The following C7orf33 variants were observed in gnomAD, a reference collection of about 807,000 sequenced individuals.
C7orf33 encodes the protein uncharacterized protein C7orf33.
C7orf33 carries 15 observed loss-of-function variants against 13.4 expected under a neutral mutation model. The observed-to-expected ratio is 1.12, with a 90% CI of 0.75 to 1.72. The LOEUF (loss-of-function observed/expected upper bound fraction) is 1.72, where lower values mean the gene tolerates loss of function less well. Among genes scored for constraint, C7orf33 ranks in the 40% most tolerant of loss-of-function variants. C7orf33 has a pLI of 0.00. For missense variants in C7orf33, 187 were observed against 220.3 expected (o/e 0.85, Z 0.96); for synonymous variants, 73 against 83.2 (o/e 0.88, Z 0.67).
intron 1 of C7orf33, among the ~76,000 whole-genome samples, chr7:148,599,077 G>A (rs951118934): frequency 6.6e-6 from 1 of 151,784 alleles, no homozygotes; most frequent in Admixed American, 6.6e-5. Context: ...TGGCCAGGCT[G>A]GTCTCAAACT....
At chr7:148,597,837 G>A (rs1002898797) in intron 1 of C7orf33, among the ~76,000 whole-genome samples, 1 of 152,048 alleles carries the variant, frequency 6.6e-6, no homozygotes, top group African/African-American at 2.4e-5. Context: ...CTTACTGCAA[G>A]CTCCGCTTCC....
intron 1 of C7orf33, among the ~76,000 whole-genome samples, chr7:148,601,756 T>C (rs753967215): frequency 1.1e-4 from 17 of 152,122 alleles, no homozygotes; most frequent in Non-Finnish European, 1.5e-4. Flanking sequence ...TTTTGTTTTG[T>C]TTTGTTTTAG....
chr7:148,591,271 A>G, intron 1 of C7orf33, 142 bp downstream of exon 1: 1 of 731,982 alleles, frequency 1.4e-6, no homozygotes, highest in Non-Finnish European at 2.3e-6. Flanking sequence ...AAGTAAAGAG[A>G]GAGACAGAGA....
At chr7:148,615,003 G>A (rs1244174331) in intron 2 of C7orf33, among the ~76,000 whole-genome samples, 1 of 152,154 alleles carries the variant, frequency 6.6e-6, no homozygotes, top group Non-Finnish European at 1.5e-5. Context: ...AATTGATTTT[G>A]TTAGGAACTG....
intron 1 of C7orf33, among the ~76,000 whole-genome samples, chr7:148,595,059 T>C (rs1796312854): frequency 6.6e-6 from 1 of 151,950 alleles, no homozygotes; most frequent in African/African-American, 2.4e-5. Flanking sequence ...CTTAATAGTT[T>C]CTGAATATTC....
At chr7:148,602,942 ACTT>A (rs1160993333) in intron 1 of C7orf33, among the ~76,000 whole-genome samples, 1 of 152,228 alleles carries the variant, frequency 6.6e-6, no homozygotes, top group Non-Finnish European at 1.5e-5. Flanking sequence ...GATAATGGCT[ACTT>A]CTTAAGTCTG....
At chr7:148,592,445 A>T (rs549708180) in intron 1 of C7orf33, among the ~76,000 whole-genome samples, 2 of 152,260 alleles carry the variant, frequency 1.3e-5, no homozygotes, top group East Asian at 3.9e-4. Flanking sequence ...GTGAGAAAAG[A>T]TTATCACTGC....
intron 1 of C7orf33, among the ~76,000 whole-genome samples, chr7:148,605,437 AG>A (rs946397350): frequency 6.6e-6 from 1 of 152,212 alleles, no homozygotes; most frequent in Non-Finnish European, 1.5e-5. Flanking sequence ...TTTGGCAAGA[AG>A]GGGAGCAAAA....
intron 1 of C7orf33, among the ~76,000 whole-genome samples, chr7:148,611,542 G>A (rs1003439525): frequency 2.6e-5 from 4 of 152,044 alleles, no homozygotes; most frequent in Admixed American, 6.5e-5. Flanking sequence ...TTCAACTTCC[G>A]GCTCCCCATC....
chr7:148,597,350 C>G (rs1453573784), intron 1 of C7orf33, among the ~76,000 whole-genome samples: 1 of 152,086 alleles, frequency 6.6e-6, no homozygotes, highest in East Asian at 1.9e-4. Flanking sequence ...GGCACAATCT[C>G]AGCTCACTGC....
intron 2 of C7orf33, among the ~76,000 whole-genome samples, chr7:148,614,583 A>C (rs796195109): frequency 1.3e-5 from 2 of 152,346 alleles, no homozygotes; most frequent in African/African-American, 4.8e-5. Flanking sequence ...AACTTTAACA[A>C]AATAAGAGCT....
intron 1 of C7orf33, among the ~76,000 whole-genome samples, chr7:148,599,920 C>T (rs546937767): frequency 1.3e-5 from 2 of 151,634 alleles, no homozygotes; most frequent in Admixed American, 1.3e-4. Context: ...AGACACACAG[C>T]TTACGCGTCC....
At chr7:148,598,473 G>A (rs6979214) in intron 1 of C7orf33, among the ~76,000 whole-genome samples, 57,063 of 151,476 alleles carry the variant, frequency 0.38, 14,457 homozygotes, top group African/African-American at 0.73. Flanking sequence ...GTTTGTTTCT[G>A]GTAAACCAAT....
chr7:148,607,918 T>A (rs1796491926), intron 1 of C7orf33, among the ~76,000 whole-genome samples: 1 of 152,204 alleles, frequency 6.6e-6, no homozygotes. Flanking sequence ...CCTTTCCTAA[T>A]TGATGATTTT....
In C7orf33 at chr7:148,614,150, G is replaced by A. The variant is rs777921352; in HGVS notation, c.313G>A (p.Asp105Asn). The A allele has an allele frequency of 2.5e-6, 4 of 1,614,174 alleles. No individual in the cohort carries two copies. In the Admixed American group the frequency reaches 6.7e-5, roughly 27 times the overall value. ...GCATTTTCTTTCTCAAGGTCCCACG[G>A]ATGCCCAGAGAGCAGTCAGAATCAG... is the stretch of plus-strand genomic sequence containing the variant. ...PWHFLSQGPT[D>N]AQRAVRIRPG... The change falls in exon 2 of 3, where the codon GAT becomes AAT. Residue 105 changes from aspartate to asparagine, a missense_variant. Physicochemically the swap from Asp to Asn is conservative, Grantham distance 23. Coordinates refer to ENST00000307003, the MANE Select transcript of C7orf33 (RefSeq NM_145304.4).
At chr7:148,614,427 G>C in intron 2 of C7orf33, 131 bp downstream of exon 2, 8 of 1,078,686 alleles carry the variant, frequency 7.4e-6, no homozygotes, top group Non-Finnish European at 1.1e-5. Flanking sequence ...TTCTCTGAAT[G>C]TCCAGCATGA....
At chr7:148,613,220 G>C (rs1796564943) in intron 1 of C7orf33, among the ~76,000 whole-genome samples, 1 of 152,066 alleles carries the variant, frequency 6.6e-6, no homozygotes, top group Non-Finnish European at 1.5e-5. Flanking sequence ...TTTCTTTTTA[G>C]CTTCCACATA....
intron 1 of C7orf33, among the ~76,000 whole-genome samples, chr7:148,613,514 C>T (rs140248017): frequency 0.014 from 2,160 of 152,320 alleles, 27 homozygotes; most frequent in Non-Finnish European, 0.017. Context: ...ATTCATGCTA[C>T]AACATAGTCG....
intron 1 of C7orf33, among the ~76,000 whole-genome samples, chr7:148,611,294 C>T (rs1224465778): frequency 1.3e-5 from 2 of 152,114 alleles, no homozygotes; most frequent in African/African-American, 4.8e-5. Flanking sequence ...TTGCATTTTC[C>T]AAGACCACCC....
Sources: allele counts gnomAD v4.1 joint callset (sites outside exome capture counted in the v4.1 genomes callset), GRCh38; gene constraint gnomAD v4.1.1; transcripts MANE v1.5; gene names NCBI Gene and HGNC (gene_info 2026-07-23, HGNC 2026-07-21).